Variants in MTCL2 observed in about 807,000 individuals in gnomAD.
MTCL2 encodes the protein microtubule cross-linking factor 2.
chr20:36,805,768 G>C, the MTCL2 span: 1 of 1,199,070 alleles, frequency 8.3e-7, no homozygotes, highest in Non-Finnish European at 1.2e-6. Flanking sequence ...CAGGAATGGG[G>C]TCAGAGAAAG....
the MTCL2 span, chr20:36,829,336 A>T: frequency 1.1e-6 from 1 of 917,656 alleles, no homozygotes; most frequent in Non-Finnish European, 1.6e-6. Context: ...CTATCGCATC[A>T]CTGCCACGCT....
At chr20:36,855,467 G>A in the MTCL2 span, among the ~76,000 whole-genome samples, 1 of 152,216 alleles carries the variant, frequency 6.6e-6, no homozygotes, top group Admixed American at 6.5e-5. Flanking sequence ...GAGGCCTCCA[G>A]TGATGCCAGG....
the MTCL2 span, among the ~76,000 whole-genome samples, chr20:36,822,202 C>A: frequency 2.6e-5 from 4 of 152,270 alleles, no homozygotes; most frequent in African/African-American, 9.6e-5. Context: ...GGGGCTGCAC[C>A]CCGCAAGAAA....
chr20:36,800,685 C>T, the MTCL2 span, among the ~76,000 whole-genome samples: 458 of 152,294 alleles, frequency 3.0e-3, 4 homozygotes, highest in African/African-American at 0.01. Context: ...AGAGGAAATA[C>T]CTAAGATCCA....
the MTCL2 span, chr20:36,805,785 G>A: frequency 7.5e-7 from 1 of 1,331,692 alleles, no homozygotes; most frequent in East Asian, 2.4e-5. Flanking sequence ...AAAGCAGTAG[G>A]AATTGATTAC....
At chr20:36,811,510 TC>T in the MTCL2 span, among the ~76,000 whole-genome samples, 1 of 151,736 alleles carries the variant, frequency 6.6e-6, no homozygotes, top group East Asian at 1.9e-4. Flanking sequence ...ACGCCTATAG[TC>T]CCACCTAACT....
the MTCL2 span, among the ~76,000 whole-genome samples, chr20:36,852,637 G>T: frequency 6.6e-6 from 1 of 152,182 alleles, no homozygotes; most frequent in Non-Finnish European, 1.5e-5. Flanking sequence ...CAATCCCACA[G>T]TCCCTGGAGG....
the MTCL2 span, among the ~76,000 whole-genome samples, chr20:36,806,126 C>A: frequency 1.3e-5 from 2 of 152,172 alleles, no homozygotes; most frequent in Admixed American, 6.5e-5. Context: ...GAGAGTCACT[C>A]TGAAATAACC....
the MTCL2 span, chr20:36,797,661 C>A: frequency 8.0e-7 from 1 of 1,244,988 alleles, no homozygotes; most frequent in Non-Finnish European, 1.1e-6. Context: ...CCAGACTCCA[C>A]TCTGCAGCCC....
At chr20:36,808,676 C>T in the MTCL2 span, 22 of 1,611,342 alleles carry the variant, frequency 1.4e-5, no homozygotes, top group South Asian at 5.5e-5. Context: ...CTCCAGCCTC[C>T]GCTGGAGGCT....
the MTCL2 span, chr20:36,812,898 C>T: frequency 2.0e-5 from 32 of 1,566,900 alleles, no homozygotes; most frequent in Admixed American, 5.6e-5. Context: ...GGGAGGGGCC[C>T]GAGGGGTGCC....
the MTCL2 span, among the ~76,000 whole-genome samples, chr20:36,821,116 A>G: frequency 6.6e-6 from 1 of 152,254 alleles, no homozygotes; most frequent in African/African-American, 2.4e-5. Flanking sequence ...AAGGCAACCA[A>G]CGTAACCAGA....
the MTCL2 span, chr20:36,863,105 C>T: frequency 7.1e-7 from 1 of 1,399,482 alleles, no homozygotes; most frequent in Non-Finnish European, 9.3e-7. The surrounding 1 kb of genome is among the most constrained non-coding windows in gnomAD (Gnocchi z 6.2). Flanking sequence ...CACCGCGCGC[C>T]CCGGGAGCCA....
the MTCL2 span, among the ~76,000 whole-genome samples, chr20:36,849,060 CTT>C: frequency 3.1e-4 from 19 of 62,244 alleles, 1 homozygote; most frequent in East Asian, 4.1e-3. Flanking sequence ...AGTTGGTTTC[CTT>C]TTTTTTTTTT....
At chr20:36,859,046 C>T in the MTCL2 span, among the ~76,000 whole-genome samples, 1 of 152,222 alleles carries the variant, frequency 6.6e-6, no homozygotes, top group Non-Finnish European at 1.5e-5. Flanking sequence ...CCGCCTTGGC[C>T]TCCCAAAGTG....
At chr20:36,780,996 C>T in the MTCL2 span, 1 of 152,114 alleles carries the variant, frequency 6.6e-6, no homozygotes, top group Admixed American at 6.5e-5. Context: ...CAATGGCTGT[C>T]AGGAAACTCA....
At chr20:36,859,603 C>T in the MTCL2 span, 1 of 1,231,696 alleles carries the variant, frequency 8.1e-7, no homozygotes, top group Non-Finnish European at 1.0e-6. Context: ...TCTATCTTCT[C>T]ACTGGGAGAG....
the MTCL2 span, among the ~76,000 whole-genome samples, chr20:36,837,749 G>A: frequency 3.3e-5 from 5 of 151,742 alleles, no homozygotes; most frequent in Admixed American, 6.6e-5. Flanking sequence ...GCTAATTTGT[G>A]TATTTTTAGT....
chr20:36,815,601 G>A, the MTCL2 span: 20 of 1,591,276 alleles, frequency 1.3e-5, no homozygotes, highest in Non-Finnish European at 1.7e-5. The surrounding 1 kb of genome is among the most constrained non-coding windows in gnomAD (Gnocchi z 5.3). Context: ...CTCCAGCATG[G>A]GCCGCGTACT....
Sources: gnomAD v4.1 joint callset for allele counts (sites outside exome capture counted in the v4.1 genomes callset) on GRCh38, gnomAD v4.1.1 for gene constraint, Gnocchi (gnomAD v3.1) non-coding constraint, MANE v1.5 for transcripts, NCBI Gene and HGNC (gene_info 2026-07-23, HGNC 2026-07-21) for gene names.